DLGAP1: variants seen among roughly 807,000 people sequenced by gnomAD.
DLGAP1 encodes DLG associated protein 1, also known as disks large-associated protein 1.
In DLGAP1, 11 loss-of-function variants were observed where a neutral mutation model predicts 90.8. That is an observed-to-expected ratio of 0.12 (90% CI 0.08 to 0.20). The LOEUF is 0.20. Among genes scored for constraint, DLGAP1 ranks in the 10% least tolerant of loss-of-function variants. DLGAP1 has a pLI of 1.00. For synonymous variants in DLGAP1, 558 were observed against 540.7 expected (o/e 1.03, Z -0.44); for missense variants, 1,050 against 1,333.8 (o/e 0.79, Z 3.31).
intron 4 of DLGAP1, among the ~76,000 whole-genome samples, chr18:3,814,907 C>T (rs1423503925): frequency 2.0e-5 from 3 of 152,130 alleles, no homozygotes; most frequent in Non-Finnish European, 2.9e-5. Context: ...TAGACATTAA[C>T]CTTTCAATAA....
intron 1 of DLGAP1, among the ~76,000 whole-genome samples, chr18:4,274,257 C>T (rs2079356574): frequency 6.6e-6 from 1 of 151,934 alleles, no homozygotes; most frequent in Non-Finnish European, 1.5e-5. Flanking sequence ...TTTTTAATTT[C>T]TTCTTTGACC....
intron 1 of DLGAP1, among the ~76,000 whole-genome samples, chr18:4,235,501 T>C (rs2078389611): frequency 6.6e-6 from 1 of 152,028 alleles, no homozygotes; most frequent in African/African-American, 2.4e-5. Context: ...CTAAGCTTTG[T>C]TTGAACCTGC....
intron 3 of DLGAP1, chr18:3,986,382 T>C (rs1304078784): frequency 6.6e-6 from 1 of 151,660 alleles, no homozygotes; most frequent in Non-Finnish European, 1.5e-5. Context: ...AAGCAACCAC[T>C]CGCATCTTTT....
intron 2 of DLGAP1, among the ~76,000 whole-genome samples, chr18:4,080,458 T>C (rs1472082077): frequency 4.6e-5 from 7 of 152,142 alleles, no homozygotes; most frequent in Admixed American, 2.0e-4. Context: ...AAATGGCTAT[T>C]CAGGAAGGGC....
intron 10 of DLGAP1, among the ~76,000 whole-genome samples, chr18:3,513,374 C>T (rs1415055576): frequency 6.6e-6 from 1 of 152,188 alleles, no homozygotes; most frequent in African/African-American, 2.4e-5. Flanking sequence ...ACATGGGGTC[C>T]TATAGCCCTG....
intron 1 of DLGAP1, among the ~76,000 whole-genome samples, chr18:4,300,057 C>A (rs1196858609): frequency 6.6e-6 from 1 of 152,102 alleles, no homozygotes; most frequent in Non-Finnish European, 1.5e-5. Context: ...TGCGATAAAG[C>A]TTTGCCCATA....
chr18:4,364,906 A>G (rs2081726489), intron 1 of DLGAP1, among the ~76,000 whole-genome samples: 1 of 152,094 alleles, frequency 6.6e-6, no homozygotes, highest in South Asian at 2.1e-4. Flanking sequence ...CCTTAATTTC[A>G]TTATTTACCC....
intron 4 of DLGAP1, among the ~76,000 whole-genome samples, chr18:3,815,819 A>G (rs940991739): frequency 8.5e-5 from 13 of 152,172 alleles, no homozygotes; most frequent in Non-Finnish European, 1.6e-4. Flanking sequence ...CAAACATACT[A>G]TAGTGGACAG....
At chr18:3,514,560 G>C (rs904699229) in intron 10 of DLGAP1, among the ~76,000 whole-genome samples, 49 of 152,086 alleles carry the variant, frequency 3.2e-4, no homozygotes, top group African/African-American at 9.7e-4. Flanking sequence ...TTCTCTCTGG[G>C]CAATACAGGC....
chr18:3,903,223 G>T (rs2071823198), intron 3 of DLGAP1, among the ~76,000 whole-genome samples: 1 of 152,132 alleles, frequency 6.6e-6, no homozygotes, highest in Non-Finnish European at 1.5e-5. Context: ...TCAATGACCT[G>T]CTTACAGATG....
Position 4,077,082 on chromosome 18 carries a change from C to T in DLGAP1, c.-158-71881G>A, listed in dbSNP as rs138305115. ...GTCGAGTTAATTTATAAATGAATGACCTTCACTCTATGCTACCCAAAGGGT... is the reference window on the plus strand; with the variant it reads ...GTCGAGTTAATTTATAAATGAATGATCTTCACTCTATGCTACCCAAAGGGT... On this transcript the variant is annotated intron_variant, in intron 2 of 12. Coordinates refer to ENST00000315677, the MANE Select transcript of DLGAP1 (RefSeq NM_004746.4). 2.0e-3 allele frequency among the ~76,000 whole-genome samples: 299 copies of T among 152,248 alleles called. 4 individuals carry two copies. Among genetic ancestry groups the T allele is most frequent in the Admixed American group, 0.016 (244 of 15,292 alleles).
At chr18:3,552,306 T>C (rs905699532) in intron 9 of DLGAP1, among the ~76,000 whole-genome samples, 32 of 152,338 alleles carry the variant, frequency 2.1e-4, no homozygotes, top group African/African-American at 7.7e-4. Flanking sequence ...TCTTGTCTTA[T>C]CTCCCTGAGT....
intron 1 of DLGAP1, among the ~76,000 whole-genome samples, chr18:4,308,939 T>C (rs1261055970): frequency 6.6e-6 from 1 of 152,220 alleles, no homozygotes; most frequent in Admixed American, 6.5e-5. Flanking sequence ...ACAAATGTAA[T>C]TGCTTCATTC....
At chr18:3,719,556 CA>C (rs60129859) in intron 7 of DLGAP1, among the ~76,000 whole-genome samples, 1,406 of 58,410 alleles carry the variant, frequency 0.024, 5 homozygotes, top group South Asian at 0.078. Context: ...GACTCTGTCT[CA>C]AAAAAAAAAA....
chr18:4,372,761 T>C (rs915609764), intron 1 of DLGAP1, among the ~76,000 whole-genome samples: 1 of 151,840 alleles, frequency 6.6e-6, no homozygotes, highest in Non-Finnish European at 1.5e-5. Flanking sequence ...ACCCCATCTC[T>C]ACTAAAAATA....
chr18:3,954,668 A>C (rs1412822104), intron 3 of DLGAP1, among the ~76,000 whole-genome samples: 1 of 152,218 alleles, frequency 6.6e-6, no homozygotes, highest in South Asian at 2.1e-4. Context: ...TGATAAATAC[A>C]AGATTAGGAA....
chr18:3,784,022 C>G (rs905678485), intron 5 of DLGAP1, among the ~76,000 whole-genome samples: 2 of 152,108 alleles, frequency 1.3e-5, no homozygotes, highest in Admixed American at 6.6e-5. Context: ...TCATTTTTCT[C>G]TCTGTATGCT....
chr18:3,829,505 G>A (rs2067916534), intron 4 of DLGAP1, among the ~76,000 whole-genome samples: 1 of 151,998 alleles, frequency 6.6e-6, no homozygotes. Flanking sequence ...CTAGAGGCCT[G>A]TGTATAGGGG....
chr18:3,973,915 G>A (rs979269476), intron 3 of DLGAP1, among the ~76,000 whole-genome samples: 2 of 152,146 alleles, frequency 1.3e-5, no homozygotes, highest in Non-Finnish European at 2.9e-5. Flanking sequence ...AGACGGCATA[G>A]CCTACCACAC....
Sources: allele counts gnomAD v4.1 joint callset (sites outside exome capture counted in the v4.1 genomes callset), GRCh38; gene constraint gnomAD v4.1.1; transcripts MANE v1.5; gene names NCBI Gene and HGNC (gene_info 2026-07-23, HGNC 2026-07-21).